NRXN3: variants seen among roughly 807,000 people sequenced by gnomAD.
NRXN3 encodes neurexin 3, also known as neurexin III.
NRXN3 carries 32 observed loss-of-function variants against 137.6 expected under a neutral mutation model. That is an observed-to-expected ratio of 0.23 (90% CI 0.18 to 0.31). The LOEUF (loss-of-function observed/expected upper bound fraction) is 0.31. Among genes scored for constraint, NRXN3 ranks in the 10% least tolerant of loss-of-function variants. NRXN3 has a pLI of 1.00. For missense variants in NRXN3, 1,574 were observed against 2,062.5 expected (o/e 0.76, Z 4.59); for synonymous variants, 798 against 784.5 (o/e 1.02, Z -0.29).
chr14:79,399,705 T>C (rs2095134571), intron 15 of NRXN3, among the ~76,000 whole-genome samples: 1 of 152,230 alleles, frequency 6.6e-6, no homozygotes, highest in Non-Finnish European at 1.5e-5. Context: ...GATGTAAGTT[T>C]ATAATATGAC....
At chr14:79,123,479 A>G (rs2055847435) in intron 15 of NRXN3, among the ~76,000 whole-genome samples, 1 of 152,198 alleles carries the variant, frequency 6.6e-6, no homozygotes, top group Non-Finnish European at 1.5e-5. Flanking sequence ...AATAGGACCT[A>G]AAATGCATCA....
intron 15 of NRXN3, among the ~76,000 whole-genome samples, chr14:79,095,980 T>A (rs1040438571): frequency 1.3e-5 from 2 of 149,788 alleles, no homozygotes; most frequent in Non-Finnish European, 2.9e-5. Context: ...ATTTTAAAAA[T>A]TTTTTACCAG....
At chr14:79,487,364 T>C (rs796719179) in intron 16 of NRXN3, among the ~76,000 whole-genome samples, 3 of 152,206 alleles carry the variant, frequency 2.0e-5, no homozygotes, top group African/African-American at 4.8e-5. Context: ...ATGTGCTACA[T>C]GGTGAAAGGC....
At chr14:78,440,445 CA>C (rs5809887) in intron 4 of NRXN3, among the ~76,000 whole-genome samples, 73,446 of 147,222 alleles carry the variant, frequency 0.5, 18,051 homozygotes, top group Middle Eastern at 0.64. Context: ...CCTTGAGATG[CA>C]AAAAAAAAAA....
intron 16 of NRXN3, among the ~76,000 whole-genome samples, chr14:79,655,290 C>G (rs981073124): frequency 6.6e-6 from 1 of 152,192 alleles, no homozygotes; most frequent in Admixed American, 6.5e-5. Flanking sequence ...AGACCTGCCA[C>G]TTTCTGGCTC....
chr14:79,822,807 C>CCAAACAAA (rs532872192), intron 20 of NRXN3, among the ~76,000 whole-genome samples: 1 of 151,530 alleles, frequency 6.6e-6, no homozygotes, highest in Admixed American at 6.6e-5. Flanking sequence ...AAATAGATTT[C>CCAAACAAA]CAAACAAACA....
chr14:78,402,144 T>C (rs2092127775), intron 4 of NRXN3, among the ~76,000 whole-genome samples: 1 of 152,200 alleles, frequency 6.6e-6, no homozygotes, highest in African/African-American at 2.4e-5. Flanking sequence ...TTCTGAATAT[T>C]GAAAAAATGA....
At chr14:79,396,137 T>C (rs576650949) in intron 15 of NRXN3, among the ~76,000 whole-genome samples, 9 of 152,224 alleles carry the variant, frequency 5.9e-5, no homozygotes, top group Non-Finnish European at 1.2e-4. Flanking sequence ...TAATCCATTA[T>C]TTTTAAATGT....
At chr14:79,382,830 G>T (rs1162186833) in intron 15 of NRXN3, among the ~76,000 whole-genome samples, 1 of 152,054 alleles carries the variant, frequency 6.6e-6, no homozygotes, top group Non-Finnish European at 1.5e-5. Context: ...AAGAACTGAG[G>T]TTCCAACTTT....
intron 15 of NRXN3, among the ~76,000 whole-genome samples, chr14:79,134,406 A>G (rs568542365): frequency 1.3e-5 from 2 of 152,250 alleles, no homozygotes; most frequent in African/African-American, 2.4e-5. Context: ...ACTATCTTCT[A>G]AATATATCCT....
chr14:78,280,451 A>G (rs995551133), intron 3 of NRXN3, among the ~76,000 whole-genome samples: 3 of 152,170 alleles, frequency 2.0e-5, no homozygotes, highest in Admixed American at 2.0e-4. Flanking sequence ...TGATAAGATG[A>G]TATTTGCTGG....
At chr14:78,187,608 A>G (rs2060343462) in intron 1 of NRXN3, among the ~76,000 whole-genome samples, 1 of 152,090 alleles carries the variant, frequency 6.6e-6, no homozygotes, top group Admixed American at 6.5e-5. Flanking sequence ...AGTAATAACG[A>G]TGGCCAAATT....
At chr14:78,898,816 A>T (rs1309489130) in intron 10 of NRXN3, among the ~76,000 whole-genome samples, 1 of 152,008 alleles carries the variant, frequency 6.6e-6, no homozygotes, top group Non-Finnish European at 1.5e-5. Flanking sequence ...TTTAGGGAAC[A>T]TCTTGGTCTA....
chr14:79,033,179 C>T (rs770868320), intron 15 of NRXN3, among the ~76,000 whole-genome samples: 33 of 152,084 alleles, frequency 2.2e-4, no homozygotes, highest in Non-Finnish European at 4.1e-4. Flanking sequence ...TTCTACCACT[C>T]CTCTGCATGG....
At chr14:79,718,300 AGAT>A (rs762327297) in intron 19 of NRXN3, among the ~76,000 whole-genome samples, 13 of 152,184 alleles carry the variant, frequency 8.5e-5, no homozygotes, top group Admixed American at 2.6e-4. Flanking sequence ...AGTGTTTGAA[AGAT>A]GATGAATATG....
chr14:79,414,355 A>C (rs1482326684), intron 15 of NRXN3, among the ~76,000 whole-genome samples: 1 of 152,130 alleles, frequency 6.6e-6, no homozygotes, highest in Non-Finnish European at 1.5e-5. Context: ...GACTCAGGTC[A>C]AATAGGGTGT....
At chr14:79,606,476 T>G (rs1445196313) in intron 16 of NRXN3, among the ~76,000 whole-genome samples, 2 of 152,338 alleles carry the variant, frequency 1.3e-5, no homozygotes, top group East Asian at 3.9e-4. Flanking sequence ...GCTGGCATTA[T>G]GTGAGCATGC....
chr14:78,820,789 G>A (rs557729952), intron 10 of NRXN3, among the ~76,000 whole-genome samples: 7 of 152,266 alleles, frequency 4.6e-5, no homozygotes. Flanking sequence ...AAAGTATATT[G>A]CAGTAGAAAA....
chr14:79,722,359 C>T (rs573174838), intron 19 of NRXN3, among the ~76,000 whole-genome samples: 1 of 152,226 alleles, frequency 6.6e-6, no homozygotes, highest in African/African-American at 2.4e-5. Flanking sequence ...CCATTGCCTG[C>T]AGGATAAAAT....
Sources: allele counts gnomAD v4.1 joint callset (sites outside exome capture counted in the v4.1 genomes callset), GRCh38; gene constraint gnomAD v4.1.1; transcripts MANE v1.5; gene names NCBI Gene and HGNC (gene_info 2026-07-23, HGNC 2026-07-21).